Variants in MS4A4A observed in about 807,000 individuals in gnomAD.
MS4A4A encodes the protein membrane-spanning 4-domains subfamily A member 4A.
Under a neutral mutation model 28.0 loss-of-function variants are expected in MS4A4A, and 26 were observed. The ratio of observed to expected loss-of-function variants is 0.93; its 90% CI spans 0.68 to 1.29. The LOEUF is 1.29. Ranked by LOEUF, MS4A4A falls within the 50% of genes most tolerant of loss-of-function variation. The pLI is 0.00. For missense variants in MS4A4A, 290 were observed against 293.1 expected (o/e 0.99, Z 0.08); for synonymous variants, 86 against 100.8 (o/e 0.85, Z 0.88).
chr11:60,291,286 G>T (rs1298072085), intron 1 of MS4A4A, among the ~76,000 whole-genome samples: 1 of 152,146 alleles, frequency 6.6e-6, no homozygotes, highest in Non-Finnish European at 1.5e-5. Context: ...TAGATTTGTG[G>T]TGCCAAGAAT....
Position 60,292,378 on chromosome 11 carries a change from C to T in MS4A4A, c.195C>T (p.Val65=). ...AGTTCTTGAAGGGAGAACCCAAAGT[C>T]CTTGGGGTAAGTTGCAAATCTAGGG... ...QEKFLKGEPK[V]LGVVQILTAL... The change falls in exon 2 of 7, where the codon GTC becomes GTT. Residue 65 remains valine (V), a synonymous_variant. Transcript: ENST00000337908. 2 of 1,590,946 alleles carry T rather than the reference C, an allele frequency of 1.3e-6. No individual in the cohort carries two copies. The highest frequency in any genetic ancestry group is 1.7e-6 in the Non-Finnish European group (2 of 1,171,058).
At chr11:60,295,183 T>G (rs2084895197) in intron 2 of MS4A4A, among the ~76,000 whole-genome samples, 1 of 152,006 alleles carries the variant, frequency 6.6e-6, no homozygotes, top group Non-Finnish European at 1.5e-5. Flanking sequence ...TTTGTACATT[T>G]TTTTTTAGAT....
intron 1 of MS4A4A, chr11:60,282,462 G>T: frequency 1.4e-6 from 1 of 717,794 alleles, no homozygotes; most frequent in Non-Finnish European, 2.0e-6. Context: ...ACCGTCATAG[G>T]CTGACTAATC....
At position 60,280,720 on chromosome 11, in the gene MS4A4A, G is replaced by A. The variant is rs1355821514; in HGVS notation, c.41+4G>A. ...GACATTGCAGGCCTGAAGAAAGGTA[G>A]GTCCAGGGACTTGCCTTCCTAGGCT... is the stretch of plus-strand genomic sequence containing the variant. On this transcript the variant is annotated splice_donor_region_variant and intron_variant, in intron 1 of 6. Transcript: ENST00000337908. 1.9e-6 allele frequency: 3 copies of A among 1,613,434 alleles called. No individual in the cohort carries two copies. The highest frequency in any genetic ancestry group is 2.5e-6 in the Non-Finnish European group (3 of 1,179,640).
chr11:60,299,503 G>A (rs371185506), intron 3 of MS4A4A, among the ~76,000 whole-genome samples: 4 of 123,652 alleles, frequency 3.2e-5, no homozygotes, highest in South Asian at 2.4e-4. Flanking sequence ...ACAGAGTTTC[G>A]CTCTTATTAC....
rs141630993 is a variant in MS4A4A at position 60,286,893 on chromosome 11, G to A, written c.42-5332G>A. Among the ~76,000 whole-genome samples, 939 of 152,230 alleles carry A rather than the reference G, an allele frequency of 6.2e-3. 8 individuals carry two copies. Among genetic ancestry groups the A allele is most frequent in the African/African-American group, 0.021 (872 of 41,530 alleles). ...TTTAAGGTTAGCATTAATGGATAAG[G>A]ATTTACTAGTGACATTTTATTATTT... On this transcript the variant is annotated intron_variant, in intron 1 of 6. Transcript: ENST00000337908.
chr11:60,302,639 G>A lies in MS4A4A; in HGVS notation c.468G>A (p.Ala156=), dbSNP rs548489124. The A allele has an allele frequency of 1.5e-5, 25 of 1,613,986 alleles. No homozygotes were observed. The highest frequency in any genetic ancestry group is 1.6e-4 in the Middle Eastern group (1 of 6,062). ...TCTTAATCAACACATTTAGCTTGGC[G>A]TTTTATTCATTCCATCACCCTTACT... ...SGILINTFSL[A]FYSFHHPYCN... is the part of the protein sequence containing the mutation. Residue 156 remains alanine, a synonymous_variant, in exon 5 of 7, where the codon GCG becomes GCA. Coordinates refer to ENST00000337908, the MANE Select transcript of MS4A4A (RefSeq NM_148975.3).
chr11:60,296,347 CCT>C (rs1008543267), intron 2 of MS4A4A, among the ~76,000 whole-genome samples: 1 of 151,612 alleles, frequency 6.6e-6, no homozygotes, highest in South Asian at 2.1e-4. Context: ...TAATTTTTGT[CCT>C]CTCTCTTTTT....
chr11:60,285,320 A>G (rs2084794588), intron 1 of MS4A4A, among the ~76,000 whole-genome samples: 1 of 152,184 alleles, frequency 6.6e-6, no homozygotes, highest in Non-Finnish European at 1.5e-5. Context: ...CTTGGGTAAC[A>G]TAGAGAAACC....
At chr11:60,296,539 A>G (rs1456474467) in intron 2 of MS4A4A, among the ~76,000 whole-genome samples, 1 of 151,898 alleles carries the variant, frequency 6.6e-6, no homozygotes, top group Non-Finnish European at 1.5e-5. Flanking sequence ...TTCTTTTTCT[A>G]GTTTCTTAAG....
chr11:60,288,896 C>G (rs1191414690), intron 1 of MS4A4A, among the ~76,000 whole-genome samples: 1 of 152,128 alleles, frequency 6.6e-6, no homozygotes, highest in African/African-American at 2.4e-5. Flanking sequence ...TTGGGTGACA[C>G]AGCTCAATCA....
chr11:60,306,827 A>G (rs543746098), intron 6 of MS4A4A, among the ~76,000 whole-genome samples: 13 of 152,358 alleles, frequency 8.5e-5, no homozygotes, highest in African/African-American at 2.9e-4. Flanking sequence ...ATTTTATTTT[A>G]TTCCATTATC....
chr11:60,306,237 A>G, intron 6 of MS4A4A, 36 bp downstream of exon 6: 4 of 1,474,240 alleles, frequency 2.7e-6, no homozygotes, highest in Non-Finnish European at 3.8e-6. Flanking sequence ...TGACTGTATT[A>G]GTTTTCTATT....
chr11:60,295,014 A>G lies in MS4A4A; in HGVS notation c.202-2183A>G, dbSNP rs148738446. Reference sequence around the variant, plus strand: ...TATAAATTTTAGAGTCAGTTTATCAATATATACAAAATAACTTGCTGGGAT... The same window carrying G: ...TATAAATTTTAGAGTCAGTTTATCAGTATATACAAAATAACTTGCTGGGAT... On this transcript the variant is annotated intron_variant, in intron 2 of 6. Transcript: ENST00000337908. Among the ~76,000 whole-genome samples the G allele has an allele frequency of 7.5e-3, 1,132 of 151,460 alleles. 10 individuals are homozygous for G. Among genetic ancestry groups the G allele is most frequent in the Non-Finnish European group, 0.012 (816 of 67,840 alleles).
intron 1 of MS4A4A, among the ~76,000 whole-genome samples, chr11:60,289,281 C>A (rs1035969259): frequency 6.6e-6 from 1 of 152,058 alleles, no homozygotes; most frequent in African/African-American, 2.4e-5. Context: ...GAGCTCAGAG[C>A]CTGTGAAGAC....
intron 6 of MS4A4A, 80 bp downstream of exon 6, chr11:60,306,281 A>G: frequency 9.3e-7 from 1 of 1,070,832 alleles, no homozygotes; most frequent in Non-Finnish European, 1.4e-6. Flanking sequence ...TTAGAGTCTT[A>G]ACACAGAACA....
At chr11:60,297,473 T>G in intron 3 of MS4A4A, 148 bp downstream of exon 3, 1 of 823,592 alleles carries the variant, frequency 1.2e-6, no homozygotes, top group Non-Finnish European at 1.8e-6. Context: ...TTCTCATATT[T>G]AAAGTACTAC....
chr11:60,295,520 T>G (rs1456953429), intron 2 of MS4A4A, among the ~76,000 whole-genome samples: 1 of 152,112 alleles, frequency 6.6e-6, no homozygotes, highest in Non-Finnish European at 1.5e-5. Flanking sequence ...TGACTTCCAG[T>G]ACAATGTTGA....
At chr11:60,303,569 A>G (rs2084971774) in intron 5 of MS4A4A, among the ~76,000 whole-genome samples, 1 of 152,100 alleles carries the variant, frequency 6.6e-6, no homozygotes, top group Non-Finnish European at 1.5e-5. Context: ...TTAGCCAGGC[A>G]TGATGGCACG....
Sources: allele counts gnomAD v4.1 joint callset (sites outside exome capture counted in the v4.1 genomes callset), GRCh38; gene constraint gnomAD v4.1.1; transcripts MANE v1.5; gene names NCBI Gene and HGNC (gene_info 2026-07-23, HGNC 2026-07-21).